FHOD3: variants seen among roughly 807,000 people sequenced by gnomAD.
FHOD3 encodes FH1/FH2 domain-containing protein 3.
A neutral mutation model predicts 173.0 loss-of-function variants in FHOD3; 90 were observed. The observed-to-expected ratio is 0.52, with a 90% CI of 0.44 to 0.62. The LOEUF is 0.62. FHOD3 is among the 20% of genes least tolerant of loss of function. The probability of loss-of-function intolerance (pLI) is 0.00; values close to 1 mark genes in which losing one functional copy is unlikely to be tolerated. For missense variants in FHOD3, 1,945 were observed against 2,034.7 expected, an observed-to-expected ratio of 0.96 and a Z score of 0.85; for synonymous variants, 828 against 823.0, an observed-to-expected ratio of 1.01 and a Z score of -0.10.
intron 2 of FHOD3, among the ~76,000 whole-genome samples, chr18:36,358,496 C>T (rs1568167658): frequency 6.6e-6 from 1 of 152,128 alleles, no homozygotes; most frequent in Non-Finnish European, 1.5e-5. Flanking sequence ...CATCACTTGG[C>T]CATGAGTCCA....
chr18:36,449,546 C>T (rs1444542361), intron 3 of FHOD3, among the ~76,000 whole-genome samples: 1 of 152,174 alleles, frequency 6.6e-6, no homozygotes, highest in Admixed American at 6.5e-5. Flanking sequence ...TAACTGCTTT[C>T]CTCACTTTTA....
Position 36,416,676 on chromosome 18 carries a change from CT to C in FHOD3, c.337+43936del, listed in dbSNP as rs543261798. 7.2e-5 allele frequency among the ~76,000 whole-genome samples: 11 copies of C among 152,300 alleles called. No individual in the cohort carries two copies. The South Asian group carries it at 2.3e-3, about 32-fold the overall frequency. ...GGGCTCTTGGCACCTCTGTGTTGGA[CT>C]TTTGCATCGCTCTCCCTGTGGATTC... On this transcript the variant is annotated intron_variant, in intron 3 of 28. Transcript: ENST00000590592.
intron 5 of FHOD3, among the ~76,000 whole-genome samples, chr18:36,530,810 A>G (rs2056750152): frequency 1.3e-5 from 2 of 152,174 alleles, no homozygotes; most frequent in African/African-American, 4.8e-5. Context: ...TAGAACTGCT[A>G]CTTCTGAACA....
At chr18:36,775,631 A>T (rs1412584361) in intron 28 of FHOD3, among the ~76,000 whole-genome samples, 2 of 152,218 alleles carry the variant, frequency 1.3e-5, no homozygotes, top group East Asian at 3.9e-4. Context: ...GATGCGACTC[A>T]TCTTAGTAGA....
chr18:36,640,408 C>T (rs986583528), intron 10 of FHOD3, among the ~76,000 whole-genome samples: 6 of 152,154 alleles, frequency 3.9e-5, no homozygotes, highest in Non-Finnish European at 8.8e-5. Flanking sequence ...TCAAATGTTA[C>T]CTTGGGCCCT....
At position 36,727,840 on chromosome 18, in the gene FHOD3, A is replaced by C. The variant is rs571818288; in HGVS notation, c.3418-2806A>C. 4.3e-4 allele frequency among the ~76,000 whole-genome samples: 66 copies of C among 152,330 alleles called. 2 individuals are homozygous for C. In the South Asian group the frequency reaches 0.013, roughly 31 times the overall value. On this transcript the variant is annotated intron_variant, in intron 19 of 28. Coordinates refer to ENST00000590592, the MANE Select transcript of FHOD3 (RefSeq NM_001281740.3). ...GCTGTTTGCCATGGGGCTGAATCTC[A>C]GGGTGATGGCAAGGGGCTTCATTTT...
chr18:36,531,664 A>G (rs2056786160), intron 5 of FHOD3, among the ~76,000 whole-genome samples: 1 of 152,268 alleles, frequency 6.6e-6, no homozygotes, highest in South Asian at 2.1e-4. Context: ...CTTTAATGCC[A>G]TATGGATACA....
chr18:36,545,831 C>T (rs1018371866), intron 5 of FHOD3, among the ~76,000 whole-genome samples: 5 of 152,154 alleles, frequency 3.3e-5, no homozygotes, highest in African/African-American at 9.7e-5. Context: ...AAAAACCTTA[C>T]GTATCTCTTG....
intron 5 of FHOD3, among the ~76,000 whole-genome samples, chr18:36,539,971 C>T (rs1377542050): frequency 1.3e-5 from 2 of 152,188 alleles, no homozygotes; most frequent in African/African-American, 2.4e-5. Context: ...TAAGTGGGCT[C>T]TCTGCTGCCT....
chr18:36,482,921 A>G (rs1009282165), intron 3 of FHOD3, among the ~76,000 whole-genome samples: 9 of 151,468 alleles, frequency 5.9e-5, no homozygotes, highest in Admixed American at 5.3e-4. Flanking sequence ...ACTACCTGCC[A>G]GGTTTACAAT....
intron 10 of FHOD3, among the ~76,000 whole-genome samples, chr18:36,634,296 TG>T (rs1328505027): frequency 6.6e-6 from 1 of 152,062 alleles, no homozygotes; most frequent in Non-Finnish European, 1.5e-5. Context: ...CAGGAAGCAG[TG>T]GGCAAATCGG....
chr18:36,430,860 T>C (rs1039765510), intron 3 of FHOD3, among the ~76,000 whole-genome samples: 3 of 152,176 alleles, frequency 2.0e-5, no homozygotes, highest in Non-Finnish European at 2.9e-5. Flanking sequence ...TCTGTTGTTA[T>C]TGTTTTGAGT....
intron 14 of FHOD3, among the ~76,000 whole-genome samples, chr18:36,662,670 A>G (rs1328581911): frequency 1.3e-5 from 2 of 152,226 alleles, no homozygotes; most frequent in Non-Finnish European, 2.9e-5. Context: ...ATAATGGATA[A>G]TAAGGGATGG....
chr18:36,641,136 C>T (rs759418220), intron 10 of FHOD3, among the ~76,000 whole-genome samples: 8 of 151,988 alleles, frequency 5.3e-5, no homozygotes, highest in Non-Finnish European at 1.2e-4. Context: ...CTGCAGCAGG[C>T]AGCAAATACT....
chr18:36,411,003 T>C (rs2146885608), intron 3 of FHOD3, among the ~76,000 whole-genome samples: 1 of 152,314 alleles, frequency 6.6e-6, no homozygotes, highest in South Asian at 2.1e-4. Flanking sequence ...CAGAAAGTTT[T>C]TAATTTTGAT....
chr18:36,614,739 G>A (rs543775749), intron 9 of FHOD3, among the ~76,000 whole-genome samples: 4 of 150,912 alleles, frequency 2.7e-5, no homozygotes, highest in African/African-American at 9.7e-5. Flanking sequence ...GCATTTCCCT[G>A]TTGACTAATG....
At chr18:36,586,192 TG>T (rs2059020854) in intron 6 of FHOD3, among the ~76,000 whole-genome samples, 1 of 152,254 alleles carries the variant, frequency 6.6e-6, no homozygotes, top group South Asian at 2.1e-4. Flanking sequence ...CTTAAGTTTT[TG>T]CACCAGAGTG....
intron 17 of FHOD3, among the ~76,000 whole-genome samples, chr18:36,698,998 A>G (rs1600295553): frequency 6.6e-6 from 1 of 152,240 alleles, no homozygotes; most frequent in South Asian, 2.1e-4. Flanking sequence ...TCTTTATTAC[A>G]GTGGGCAATA....
intron 27 of FHOD3, among the ~76,000 whole-genome samples, chr18:36,761,344 C>T (rs1187554018): frequency 6.6e-6 from 1 of 152,160 alleles, no homozygotes; most frequent in African/African-American, 2.4e-5. Context: ...TTGTTTTTAT[C>T]ATTAGAAGGG....
Sources: gnomAD v4.1 joint callset for allele counts (sites outside exome capture counted in the v4.1 genomes callset) on GRCh38, gnomAD v4.1.1 for gene constraint, MANE v1.5 for transcripts, NCBI Gene and HGNC (gene_info 2026-07-23, HGNC 2026-07-21) for gene names.